Variants in SLC24A3 observed in about 807,000 individuals in gnomAD.
SLC24A3 encodes the protein solute carrier family 24 member 3, also known as sodium/potassium/calcium exchanger 3.
Under a neutral mutation model 75.8 loss-of-function variants are expected in SLC24A3, and 28 were observed. The ratio of observed to expected loss-of-function variants is 0.37; its 90% CI spans 0.27 to 0.51. The LOEUF (loss-of-function observed/expected upper bound fraction) is 0.51. Ranked by LOEUF, SLC24A3 falls within the 20% of genes least tolerant of loss-of-function variation. The probability of loss-of-function intolerance (pLI) is 0.94; values close to 1 mark genes in which losing one functional copy is unlikely to be tolerated. For missense variants in SLC24A3, 663 were observed against 847.8 expected, an observed-to-expected ratio of 0.78 and a Z score of 2.71; for synonymous variants, 372 against 334.1, an observed-to-expected ratio of 1.11 and a Z score of -1.24.
At chr20:19,306,025 A>G (rs189302447) in intron 2 of SLC24A3, among the ~76,000 whole-genome samples, 41 of 151,208 alleles carry the variant, frequency 2.7e-4, no homozygotes, top group Non-Finnish European at 4.6e-4. Flanking sequence ...ACTTAATTCA[A>G]TAAGCACAAA....
rs556938763 is a variant in SLC24A3, at chr20:19,502,309, G to T, written c.272-13179G>T. 2.0e-5 allele frequency among the ~76,000 whole-genome samples: 3 copies of T among 152,242 alleles called. 1 individual carries two copies. In the South Asian group the frequency reaches 6.2e-4, roughly 32 times the overall value. On this transcript the variant is annotated intron_variant, in intron 2 of 16. Transcript: ENST00000328041. ...AGACATATAAATTTCCCTCAGGTCC[G>T]TGACTGACTGCTGAACCTCACATGC...
chr20:19,350,131 C>T (rs1985533928), intron 2 of SLC24A3, among the ~76,000 whole-genome samples: 1 of 152,156 alleles, frequency 6.6e-6, no homozygotes, highest in Non-Finnish European at 1.5e-5. Context: ...GAGAGTTACC[C>T]ACTCTGCTAT....
At chr20:19,661,903 G>A (rs1014076673) in intron 7 of SLC24A3, among the ~76,000 whole-genome samples, 5 of 152,082 alleles carry the variant, frequency 3.3e-5, no homozygotes, top group Non-Finnish European at 7.4e-5. Context: ...GGGATTCGCC[G>A]GCCTGATGTA....
At chr20:19,644,362 G>A (rs1035183169) in intron 6 of SLC24A3, among the ~76,000 whole-genome samples, 2 of 152,148 alleles carry the variant, frequency 1.3e-5, no homozygotes, top group Admixed American at 1.3e-4. Flanking sequence ...AGTCACCTGG[G>A]CACCTCGGCA....
rs142700588 is a variant in SLC24A3, at chr20:19,423,583, C to T, written c.272-91905C>T. Among the ~76,000 whole-genome samples, 122 of 152,198 alleles carry T rather than the reference C, an allele frequency of 8.0e-4. No homozygotes were observed. The East Asian group carries it at 0.018, about 22-fold the overall frequency. ...TCTGTTTCTGTTTTGGTATAGGCAC[C>T]GAACTTATTGGTTTTCCAGAGCTCC... On this transcript the variant is annotated intron_variant, in intron 2 of 16. Transcript: ENST00000328041.
chr20:19,281,215 G>A (rs1269919081), intron 2 of SLC24A3, 128 bp downstream of exon 2: 14 of 1,381,182 alleles, frequency 1.0e-5, no homozygotes, highest in Non-Finnish European at 9.7e-7. Context: ...TAGGATGGGA[G>A]TCTAAGAAAC....
intron 15 of SLC24A3, 146 bp from the exon 16 acceptor site, chr20:19,717,382 C>A: frequency 1.4e-6 from 1 of 719,498 alleles, no homozygotes. Flanking sequence ...GTGGAGCTGG[C>A]TGCTGAAGCT....
intron 6 of SLC24A3, among the ~76,000 whole-genome samples, chr20:19,590,358 T>C (rs940711548): frequency 5.3e-5 from 8 of 151,992 alleles, no homozygotes; most frequent in African/African-American, 1.9e-4. Flanking sequence ...TCTATCTTAT[T>C]GTTCCCCAGA....
At chr20:19,231,116 G>T (rs1982009565) in intron 1 of SLC24A3, among the ~76,000 whole-genome samples, 2 of 152,092 alleles carry the variant, frequency 1.3e-5, no homozygotes, top group South Asian at 4.1e-4. Flanking sequence ...CTTTCCCAAG[G>T]TAAAAAACAG....
At chr20:19,465,265 C>T (rs1362875612) in intron 2 of SLC24A3, among the ~76,000 whole-genome samples, 3 of 152,140 alleles carry the variant, frequency 2.0e-5, no homozygotes, top group African/African-American at 7.2e-5. Context: ...GAACTGGGAA[C>T]TCCTGAGAGG....
chr20:19,276,999 T>C (rs898746475), intron 1 of SLC24A3, among the ~76,000 whole-genome samples: 3 of 152,214 alleles, frequency 2.0e-5, no homozygotes, highest in Non-Finnish European at 2.9e-5. Flanking sequence ...ACAACCATCT[T>C]TGAAATAAGA....
chr20:19,338,017 G>A (rs1464885090), intron 2 of SLC24A3, among the ~76,000 whole-genome samples: 1 of 152,164 alleles, frequency 6.6e-6, no homozygotes, highest in Non-Finnish European at 1.5e-5. Context: ...CACAGGATGG[G>A]AGGAGAAAAA....
chr20:19,439,087 C>G (rs1446971966), intron 2 of SLC24A3, among the ~76,000 whole-genome samples: 1 of 152,196 alleles, frequency 6.6e-6, no homozygotes, highest in Non-Finnish European at 1.5e-5. Flanking sequence ...CCCCACATCC[C>G]ATACAGATGT....
intron 2 of SLC24A3, among the ~76,000 whole-genome samples, chr20:19,287,219 A>C (rs542473140): frequency 6.6e-6 from 1 of 152,342 alleles, no homozygotes; most frequent in Non-Finnish European, 1.5e-5. Context: ...TTCTATCTTT[A>C]GGCCTTTCCC....
intron 2 of SLC24A3, among the ~76,000 whole-genome samples, chr20:19,441,181 C>T (rs573239894): frequency 2.6e-5 from 4 of 152,284 alleles, no homozygotes; most frequent in African/African-American, 9.6e-5. Flanking sequence ...TTCCTTGCAC[C>T]GTGGAAGCCC....
chr20:19,551,137 A>G (rs1432626300), intron 3 of SLC24A3, among the ~76,000 whole-genome samples: 3 of 152,226 alleles, frequency 2.0e-5, no homozygotes, highest in South Asian at 2.1e-4. Context: ...TCATTAATGC[A>G]TCAAGCCCGT....
At chr20:19,612,268 A>T (rs2031680494) in intron 6 of SLC24A3, among the ~76,000 whole-genome samples, 1 of 152,166 alleles carries the variant, frequency 6.6e-6, no homozygotes, top group Non-Finnish European at 1.5e-5. Context: ...CTAACAGGAA[A>T]TCCTGTGGAT....
At chr20:19,232,451 TTTAATAATTATCTCAGTCTGG>T (rs1267353711) in intron 1 of SLC24A3, among the ~76,000 whole-genome samples, 1 of 152,252 alleles carries the variant, frequency 6.6e-6, no homozygotes, top group Non-Finnish European at 1.5e-5. Context: ...CACTGAATTT[TTTAATAATTATCTCAGTCTGG>T]TTGGCATTCT....
intron 6 of SLC24A3, among the ~76,000 whole-genome samples, chr20:19,606,456 A>G (rs1460151538): frequency 1.3e-5 from 2 of 152,192 alleles, no homozygotes; most frequent in African/African-American, 2.4e-5. Flanking sequence ...AAATGCAAAA[A>G]CACAAAATTT....
Sources: allele counts gnomAD v4.1 joint callset (sites outside exome capture counted in the v4.1 genomes callset), GRCh38; gene constraint gnomAD v4.1.1; transcripts MANE v1.5; gene names NCBI Gene and HGNC (gene_info 2026-07-23, HGNC 2026-07-21).